Variants in ADGB observed in about 807,000 individuals in gnomAD.
ADGB encodes the protein calpain-7-like protein.
ADGB carries 172 observed loss-of-function variants against 210.5 expected under a neutral mutation model. That is an observed-to-expected ratio of 0.82 (90% CI 0.72 to 0.93). The LOEUF (loss-of-function observed/expected upper bound fraction) is 0.93, where lower values mean the gene tolerates loss of function less well. Among genes scored for constraint, ADGB ranks in the 40% least tolerant of loss-of-function variants. The probability of loss-of-function intolerance (pLI) is 0.00; values close to 1 mark genes in which losing one functional copy is unlikely to be tolerated. For synonymous variants in ADGB, 658 were observed against 662.7 expected (o/e 0.99, Z 0.11); for missense variants, 2,025 against 1,964.8 (o/e 1.03, Z -0.58).
At chr6:146,629,086 G>A (rs912923500) in intron 1 of ADGB, among the ~76,000 whole-genome samples, 3 of 152,048 alleles carry the variant, frequency 2.0e-5, no homozygotes, top group African/African-American at 4.8e-5. Flanking sequence ...TATTATAAAA[G>A]TATAGGGTTA....
intron 19 of ADGB, among the ~76,000 whole-genome samples, chr6:146,728,311 G>A (rs1776926484): frequency 6.6e-6 from 1 of 152,140 alleles, no homozygotes; most frequent in African/African-American, 2.4e-5. Context: ...ACTAGGTCTG[G>A]TTATTAATAC....
intron 6 of ADGB, 54 bp downstream of exon 6, chr6:146,664,394 A>T: frequency 6.7e-7 from 1 of 1,487,572 alleles, no homozygotes; most frequent in Non-Finnish European, 9.0e-7. Flanking sequence ...AAAAACATTA[A>T]CTATACATTT....
At chr6:146,775,172 T>C (rs1048056195) in intron 29 of ADGB, among the ~76,000 whole-genome samples, 3 of 152,186 alleles carry the variant, frequency 2.0e-5, no homozygotes, top group Non-Finnish European at 4.4e-5. Context: ...TAAGTTAAAT[T>C]TGATATTCAT....
chr6:146,692,906 C>A lies in ADGB; in HGVS notation c.1568C>A (p.Pro523Gln). ...LNYRMTPFTI[P>Q]TEMHFVRSLI... ...TATAGAATGACTCCATTTACAATTC[C>A]AACAGAAATGTAAGTATTAACATTC... is the stretch of plus-strand genomic sequence containing the variant. The change falls in exon 12 of 36, where the codon CCA becomes CAA. Residue 523 changes from proline (P) to glutamine (Q), a missense_variant. By Grantham distance (76) the Pro-to-Gln change is moderately conservative. Transcript: ENST00000397944. 2 of 1,497,626 alleles carry A rather than the reference C, an allele frequency of 1.3e-6. No individual in the cohort carries two copies. The highest frequency in any genetic ancestry group is 1.8e-6 in the Non-Finnish European group (2 of 1,103,514). 92.8% of individuals were successfully genotyped at this position (1,497,626 alleles called of 1,614,324 possible). A position where few individuals can be genotyped will look rare whatever the true frequency, so the allele number is the denominator to read the frequency against.
intron 23 of ADGB, among the ~76,000 whole-genome samples, chr6:146,738,743 C>T (rs981440359): frequency 8.5e-5 from 13 of 152,076 alleles, no homozygotes; most frequent in African/African-American, 3.1e-4. Context: ...CAGGCGTGAG[C>T]CACTGCGCCC....
intron 29 of ADGB, chr6:146,770,605 C>T (rs1478939491): frequency 2.1e-6 from 1 of 470,068 alleles, no homozygotes; most frequent in Admixed American, 2.3e-5. Context: ...CACCAGTGAC[C>T]TCAGGTATGT....
chr6:146,667,455 T>A (rs1356518826), intron 7 of ADGB, among the ~76,000 whole-genome samples: 1 of 151,992 alleles, frequency 6.6e-6, no homozygotes, highest in Non-Finnish European at 1.5e-5. Flanking sequence ...TTTTTGTAAA[T>A]CTATATCTTG....
intron 1 of ADGB, among the ~76,000 whole-genome samples, chr6:146,634,354 T>G (rs2114857704): frequency 6.6e-6 from 1 of 152,298 alleles, no homozygotes; most frequent in Non-Finnish European, 1.5e-5. Flanking sequence ...TACTGTATAC[T>G]GTATATTTTA....
At chr6:146,664,843 A>C (rs1183375593) in intron 6 of ADGB, among the ~76,000 whole-genome samples, 5 of 152,026 alleles carry the variant, frequency 3.3e-5, no homozygotes, top group African/African-American at 1.2e-4. Context: ...AAAACTACTC[A>C]TATTTTCTTC....
At chr6:146,618,579 T>C (rs1231217457) in intron 1 of ADGB, among the ~76,000 whole-genome samples, 5 of 152,038 alleles carry the variant, frequency 3.3e-5, no homozygotes, top group Non-Finnish European at 7.4e-5. Flanking sequence ...TCAATAAATT[T>C]TTAAATTTCC....
intron 26 of ADGB, among the ~76,000 whole-genome samples, chr6:146,749,519 G>C (rs959876614): frequency 1.3e-5 from 2 of 152,082 alleles, no homozygotes; most frequent in African/African-American, 4.8e-5. Context: ...AGGAAATCAG[G>C]GTCCAGTCAA....
intron 12 of ADGB, 60 bp downstream of exon 12, chr6:146,692,975 C>T (rs1776352786): frequency 1.0e-6 from 1 of 972,474 alleles, no homozygotes; most frequent in African/African-American, 1.7e-5. Context: ...TGTGATGTGT[C>T]TGGCTAAAGA....
At chr6:146,607,454 G>T (rs58876088) in intron 1 of ADGB, among the ~76,000 whole-genome samples, 19 of 152,082 alleles carry the variant, frequency 1.2e-4, no homozygotes, top group Non-Finnish European at 2.6e-4. Flanking sequence ...GTGAGAGTAG[G>T]CATCCTTTTC....
intron 32 of ADGB, among the ~76,000 whole-genome samples, chr6:146,788,131 T>C (rs1279264907): frequency 6.6e-6 from 1 of 152,174 alleles, no homozygotes; most frequent in African/African-American, 2.4e-5. Context: ...CCTATTTCCA[T>C]GTATGCTGTC....
At chr6:146,719,410 A>T (rs1272320192) in intron 16 of ADGB, among the ~76,000 whole-genome samples, 1 of 151,130 alleles carries the variant, frequency 6.6e-6, no homozygotes, top group African/African-American at 2.4e-5. Flanking sequence ...GTGAAATAAA[A>T]TTATGACATT....
chr6:146,614,211 T>C (rs985772327), intron 1 of ADGB, among the ~76,000 whole-genome samples: 1,499 of 35,772 alleles, frequency 0.042, 29 homozygotes, highest in South Asian at 0.11. Flanking sequence ...CTTCCTCCCT[T>C]CCTTCCTCCC....
intron 10 of ADGB, among the ~76,000 whole-genome samples, chr6:146,688,001 A>G (rs954759960): frequency 6.6e-6 from 1 of 152,184 alleles, no homozygotes; most frequent in African/African-American, 2.4e-5. Flanking sequence ...ACTAAAGACT[A>G]AAAACTCACA....
Position 146,680,790 on chromosome 6 carries a change from G to GA in ADGB, c.1216+4354dup, listed in dbSNP as rs376836845. On this transcript the variant is annotated intron_variant, in intron 9 of 35. Transcript: ENST00000397944. ...TTGTCTGTTTTTCCAAAATAAATGG[G>GA]AAAAATAGAGAAATTTCTGAGATCA... Among the ~76,000 whole-genome samples the GA allele has an allele frequency of 1.3e-3, 203 of 152,098 alleles. 1 individual carries two copies. Among genetic ancestry groups the GA allele is most frequent in the African/African-American group, 4.5e-3 (186 of 41,518 alleles).
At chr6:146,761,298 T>C (rs1336205259) in intron 27 of ADGB, among the ~76,000 whole-genome samples, 1 of 152,024 alleles carries the variant, frequency 6.6e-6, no homozygotes, top group Admixed American at 6.6e-5. Flanking sequence ...AAATTATCTT[T>C]ATTCCCATGT....
Sources: gnomAD v4.1 joint callset for allele counts (sites outside exome capture counted in the v4.1 genomes callset) on GRCh38, gnomAD v4.1.1 for gene constraint, MANE v1.5 for transcripts, NCBI Gene and HGNC (gene_info 2026-07-23, HGNC 2026-07-21) for gene names.